The following LINGO2 variants were observed in gnomAD, a reference collection of about 807,000 sequenced individuals.
LINGO2 encodes leucine rich repeat and Ig domain containing 2, also known as leucine-rich repeat and immunoglobulin-like domain-containing nogo receptor-interacting protein 2.
Under a neutral mutation model 30.6 loss-of-function variants are expected in LINGO2, and 14 were observed. The ratio of observed to expected loss-of-function variants is 0.46; its 90% confidence interval spans 0.30 to 0.72. The LOEUF (loss-of-function observed/expected upper bound fraction) is 0.72, where lower values mean the gene tolerates loss of function less well. Ranked by LOEUF, LINGO2 falls within the 30% of genes least tolerant of loss-of-function variation. The probability of loss-of-function intolerance (pLI) is 0.07; values close to 1 mark genes in which losing one functional copy is unlikely to be tolerated. For missense variants in LINGO2, 729 were observed against 751.7 expected, an observed-to-expected ratio of 0.97 and a Z score of 0.35; for synonymous variants, 317 against 288.5, an observed-to-expected ratio of 1.10 and a Z score of -1.00.
the LINGO2 span, among the ~76,000 whole-genome samples, chr9:28,889,412 A>G: frequency 1.3e-5 from 2 of 148,868 alleles, no homozygotes; most frequent in Admixed American, 6.9e-5. Context: ...TCCATGTCAC[A>G]CCATTTAACA....
intron 1 of LINGO2, among the ~76,000 whole-genome samples, chr9:28,491,839 G>T (rs1301631243): frequency 6.6e-6 from 1 of 152,132 alleles, no homozygotes; most frequent in Non-Finnish European, 1.5e-5. Flanking sequence ...ACATGAGAAT[G>T]CTTATACTAT....
intron 4 of LINGO2, among the ~76,000 whole-genome samples, chr9:28,249,795 T>C (rs1329455842): frequency 1.3e-5 from 2 of 152,198 alleles, no homozygotes; most frequent in African/African-American, 4.8e-5. Flanking sequence ...CCCCTATCAT[T>C]ACCATTAACT....
chr9:28,959,612 T>TCTCTCACACACACACA, the LINGO2 span, among the ~76,000 whole-genome samples: 256 of 132,206 alleles, frequency 1.9e-3, 4 homozygotes, highest in East Asian at 0.041. Flanking sequence ...TCTCTCTCCC[T>TCTCTCACACACACACA]CACACACACA....
At chr9:28,164,831 T>A (rs1828383028) in intron 4 of LINGO2, among the ~76,000 whole-genome samples, 1 of 152,184 alleles carries the variant, frequency 6.6e-6, no homozygotes, top group Non-Finnish European at 1.5e-5. Flanking sequence ...TGCACTTTCC[T>A]CCTGACAGGT....
chr9:28,166,598 A>G (rs891523289), intron 4 of LINGO2, among the ~76,000 whole-genome samples: 2 of 152,002 alleles, frequency 1.3e-5, no homozygotes, highest in African/African-American at 4.8e-5. Context: ...AAATGCACAA[A>G]AAGATTTTTT....
At chr9:28,034,287 G>A (rs1587734235) in intron 4 of LINGO2, among the ~76,000 whole-genome samples, 3 of 152,202 alleles carry the variant, frequency 2.0e-5, no homozygotes, top group African/African-American at 7.2e-5. Context: ...GCAGAAGAAA[G>A]CCGATTATTT....
At chr9:28,036,684 G>A (rs1823952546) in intron 4 of LINGO2, among the ~76,000 whole-genome samples, 1 of 152,178 alleles carries the variant, frequency 6.6e-6, no homozygotes, top group South Asian at 2.1e-4. Flanking sequence ...ATAAGTCCAT[G>A]ATTCAATGGA....
chr9:28,935,016 C>A, the LINGO2 span, among the ~76,000 whole-genome samples: 32 of 152,024 alleles, frequency 2.1e-4, no homozygotes, highest in East Asian at 5.8e-4. Context: ...TTAAAAGAAA[C>A]CACGTCAAAA....
chr9:27,954,334 A>G (rs1819459767), intron 5 of LINGO2, among the ~76,000 whole-genome samples: 1 of 151,982 alleles, frequency 6.6e-6, no homozygotes, highest in African/African-American at 2.4e-5. Context: ...ACCTCTCTTC[A>G]TCTCCTCCCT....
At chr9:28,828,385 AATGAT>A in the LINGO2 span, among the ~76,000 whole-genome samples, 5 of 152,294 alleles carry the variant, frequency 3.3e-5, no homozygotes, top group East Asian at 5.8e-4. Context: ...ATGATCTAGC[AATGAT>A]ATAATACACC....
At chr9:28,435,123 G>C (rs1254554503) in intron 2 of LINGO2, among the ~76,000 whole-genome samples, 2 of 151,946 alleles carry the variant, frequency 1.3e-5, no homozygotes, top group Non-Finnish European at 2.9e-5. Flanking sequence ...TGAGCACTCA[G>C]TATACAAATA....
chr9:28,823,235 G>A, the LINGO2 span, among the ~76,000 whole-genome samples: 6 of 152,040 alleles, frequency 3.9e-5, no homozygotes, highest in African/African-American at 1.2e-4. Context: ...TAGCAGTAGG[G>A]GGAATTATAA....
intron 1 of LINGO2, among the ~76,000 whole-genome samples, chr9:28,634,100 G>T (rs1004416553): frequency 1.8e-4 from 27 of 152,230 alleles, no homozygotes; most frequent in African/African-American, 4.8e-4. Flanking sequence ...CTAAATAAAA[G>T]CAAATGTACA....
intron 4 of LINGO2, among the ~76,000 whole-genome samples, chr9:28,013,015 C>T (rs1822637786): frequency 6.6e-6 from 1 of 151,930 alleles, no homozygotes; most frequent in South Asian, 2.1e-4. Flanking sequence ...AACAACTTCT[C>T]CAGTAATATT....
At chr9:28,686,014 TGAGA>T in the LINGO2 span, among the ~76,000 whole-genome samples, 1 of 147,300 alleles carries the variant, frequency 6.8e-6, no homozygotes, top group Non-Finnish European at 1.5e-5. Flanking sequence ...TGTGGACAAG[TGAGA>T]GAGAGAATCA....
chr9:28,542,151 A>T (rs1356306269), intron 1 of LINGO2, among the ~76,000 whole-genome samples: 1 of 152,148 alleles, frequency 6.6e-6, no homozygotes, highest in African/African-American at 2.4e-5. Context: ...TCTGCAGTGG[A>T]TATTACCTTC....
chr9:28,032,041 TG>T (rs11361678), intron 4 of LINGO2, among the ~76,000 whole-genome samples: 26,523 of 106,316 alleles, frequency 0.25, 2,631 homozygotes, highest in South Asian at 0.34. Flanking sequence ...AAATGAGGGG[TG>T]GGGGGGGAAA....
intron 4 of LINGO2, among the ~76,000 whole-genome samples, chr9:28,046,304 A>G (rs1356057877): frequency 6.6e-6 from 1 of 152,204 alleles, no homozygotes; most frequent in Non-Finnish European, 1.5e-5. Context: ...TATCTAGGTT[A>G]GAAGTTCTCC....
chr9:28,861,308 TTATATAATATACTA>T, the LINGO2 span, among the ~76,000 whole-genome samples: 1 of 129,120 alleles, frequency 7.7e-6, no homozygotes, highest in Non-Finnish European at 1.6e-5. Context: ...ATTATATATT[TTATATAATATACTA>T]TATATAATAT....
Sources: gnomAD v4.1 joint callset for allele counts (sites outside exome capture counted in the v4.1 genomes callset) on GRCh38, gnomAD v4.1.1 for gene constraint, MANE v1.5 for transcripts, NCBI Gene and HGNC (gene_info 2026-07-23, HGNC 2026-07-21) for gene names.